Variants in DLG2 observed in about 807,000 individuals in gnomAD.
The protein encoded by DLG2 is disks large homolog 2.
DLG2 carries 45 observed loss-of-function variants against 132.5 expected under a neutral mutation model. That is an observed-to-expected ratio of 0.34 (90% confidence interval 0.27 to 0.44). The LOEUF is 0.44. DLG2 is among the 20% of genes least tolerant of loss of function. The pLI, the probability that DLG2 is intolerant of heterozygous loss-of-function variation, is 1.00. For synonymous variants in DLG2, 424 were observed against 419.6 expected (o/e 1.01, Z -0.13); for missense variants, 1,045 against 1,196.9 (o/e 0.87, Z 1.87).
At chr11:84,963,726 A>G (rs1167624852) in intron 6 of DLG2, among the ~76,000 whole-genome samples, 1 of 152,200 alleles carries the variant, frequency 6.6e-6, no homozygotes, top group African/African-American at 2.4e-5. Context: ...TAAGTGCTCA[A>G]TAAAAGGCAT....
At chr11:85,165,294 A>G (rs2078355192) in intron 4 of DLG2, among the ~76,000 whole-genome samples, 1 of 152,212 alleles carries the variant, frequency 6.6e-6, no homozygotes, top group South Asian at 2.1e-4. Context: ...AACATAAAAA[A>G]AGAGGTTATG....
chr11:83,558,395 A>AT (rs2096555418), intron 19 of DLG2, among the ~76,000 whole-genome samples: 4 of 152,042 alleles, frequency 2.6e-5, no homozygotes, highest in Admixed American at 2.6e-4. Flanking sequence ...CATGTTATGT[A>AT]TTTTTTTCAG....
chr11:85,565,450 A>G (rs1402357107), intron 3 of DLG2, among the ~76,000 whole-genome samples: 1 of 152,084 alleles, frequency 6.6e-6, no homozygotes, highest in Non-Finnish European at 1.5e-5. Flanking sequence ...CATTACCACT[A>G]TATAATTCCA....
chr11:84,849,180 G>C (rs193000156), intron 6 of DLG2, among the ~76,000 whole-genome samples: 19 of 152,270 alleles, frequency 1.2e-4, no homozygotes, highest in African/African-American at 4.1e-4. Flanking sequence ...CAGCGTAAGA[G>C]ACTCAAAATT....
intron 6 of DLG2, among the ~76,000 whole-genome samples, chr11:84,600,238 GA>G (rs2099573801): frequency 1.0e-5 from 1 of 97,254 alleles, no homozygotes; most frequent in Admixed American, 9.4e-5. Flanking sequence ...AAGAAAGACA[GA>G]AAAGCAAGCA....
chr11:84,285,084 C>T (rs563918922), intron 7 of DLG2, among the ~76,000 whole-genome samples: 6 of 152,090 alleles, frequency 3.9e-5, no homozygotes, highest in Non-Finnish European at 8.8e-5. Flanking sequence ...GTAAGTGGCT[C>T]CCTTGTTTAT....
intron 6 of DLG2, among the ~76,000 whole-genome samples, chr11:84,893,986 A>T (rs12280968): frequency 0.095 from 14,433 of 152,208 alleles, 882 homozygotes; most frequent in African/African-American, 0.18. Context: ...ATAATCTCAG[A>T]AGTGTTCAGA....
chr11:84,949,149 G>A (rs1249057087), intron 6 of DLG2, among the ~76,000 whole-genome samples: 2 of 152,104 alleles, frequency 1.3e-5, no homozygotes, highest in African/African-American at 4.8e-5. Flanking sequence ...ATCCGGGGGA[G>A]ACATCACACA....
intron 3 of DLG2, among the ~76,000 whole-genome samples, chr11:85,301,721 C>T (rs1223515118): frequency 2.0e-5 from 3 of 152,150 alleles, no homozygotes; most frequent in Non-Finnish European, 4.4e-5. Context: ...ACAGTCATAG[C>T]TCGTTCTGGA....
chr11:85,350,949 G>C (rs1410655135), intron 3 of DLG2, among the ~76,000 whole-genome samples: 1 of 152,216 alleles, frequency 6.6e-6, no homozygotes, highest in Admixed American at 6.5e-5. Flanking sequence ...TGTGAAGAAA[G>C]TGATTGGTAG....
At chr11:85,606,382 T>C (rs980089515) in intron 2 of DLG2, among the ~76,000 whole-genome samples, 8 of 152,150 alleles carry the variant, frequency 5.3e-5, no homozygotes, top group Non-Finnish European at 1.2e-4. Flanking sequence ...CAGTGCTCTG[T>C]GTCTAGCTAA....
At chr11:85,506,842 G>A (rs2093946832) in intron 3 of DLG2, among the ~76,000 whole-genome samples, 1 of 152,198 alleles carries the variant, frequency 6.6e-6, no homozygotes, top group Admixed American at 6.5e-5. Flanking sequence ...CTATTACTGT[G>A]TGGGAGTCTA....
chr11:84,366,363 C>T (rs1231877641), intron 7 of DLG2, among the ~76,000 whole-genome samples: 16 of 151,884 alleles, frequency 1.1e-4, no homozygotes, highest in African/African-American at 3.6e-4. Context: ...AAAATCATGC[C>T]AAAATGTAAA....
chr11:85,349,760 C>T (rs1021283039), intron 3 of DLG2, among the ~76,000 whole-genome samples: 5 of 152,108 alleles, frequency 3.3e-5, no homozygotes, highest in African/African-American at 1.2e-4. Flanking sequence ...TTTATGGCTG[C>T]ATAGTATTCC....
chr11:84,502,231 C>T (rs1225222376), intron 7 of DLG2, among the ~76,000 whole-genome samples: 351 of 19,506 alleles, frequency 0.018, 96 homozygotes, highest in African/African-American at 0.16. Context: ...TCCTTCCTTC[C>T]TTCCTTCCTT....
intron 21 of DLG2, among the ~76,000 whole-genome samples, chr11:83,502,097 G>A (rs777532759): frequency 6.6e-6 from 1 of 152,158 alleles, no homozygotes; most frequent in African/African-American, 2.4e-5. Context: ...TACTCATATA[G>A]CGGATACTTT....
At chr11:84,670,894 A>G (rs2099705117) in intron 6 of DLG2, among the ~76,000 whole-genome samples, 1 of 152,156 alleles carries the variant, frequency 6.6e-6, no homozygotes, top group Admixed American at 6.6e-5. Flanking sequence ...TCTTATTAAC[A>G]TCAGAGTAGA....
At chr11:84,207,059 ATCTCTCTC>A (rs35772503) in intron 8 of DLG2, among the ~76,000 whole-genome samples, 3 of 145,514 alleles carry the variant, frequency 2.1e-5, no homozygotes, top group Admixed American at 7.0e-5. Context: ...ATAAGAATAA[ATCTCTCTC>A]TCTCTCTCTC....
chr11:84,693,494 T>A (rs760331001), intron 6 of DLG2, among the ~76,000 whole-genome samples: 1 of 151,734 alleles, frequency 6.6e-6, no homozygotes, highest in Non-Finnish European at 1.5e-5. Flanking sequence ...TTATTTTCCA[T>A]ATTTTTAAAG....
Sources: gnomAD v4.1 joint callset for allele counts (sites outside exome capture counted in the v4.1 genomes callset) on GRCh38, gnomAD v4.1.1 for gene constraint, MANE v1.5 for transcripts, NCBI Gene and HGNC (gene_info 2026-07-23, HGNC 2026-07-21) for gene names.